The following SMS variants were observed in gnomAD, a reference collection of about 807,000 sequenced individuals.
SMS encodes the protein spermidine aminopropyltransferase.
Under a neutral mutation model 33.0 loss-of-function variants are expected in SMS, and 3 were observed. That is an observed-to-expected ratio of 0.09 (90% CI 0.04 to 0.23). SMS has a LOEUF of 0.23. SMS is among the 10% of genes least tolerant of loss of function. The pLI is 1.00. For synonymous variants in SMS, 103 were observed against 112.2 expected (o/e 0.92, Z 0.52); for missense variants, 117 against 288.6 (o/e 0.41, Z 4.31).
At chrX:21,993,634 C>T (rs759275548) in intron 10 of SMS, among the ~76,000 whole-genome samples, 1 of 112,302 alleles carries the variant, frequency 8.9e-6, no homozygotes, top group East Asian at 2.8e-4. Context: ...AATGAGAACC[C>T]TCTAGATCCT....
intron 7 of SMS, among the ~76,000 whole-genome samples, chrX:21,979,773 C>T (rs757202155): frequency 2.7e-5 from 3 of 109,890 alleles, no homozygotes; most frequent in Non-Finnish European, 5.7e-5. Flanking sequence ...CTTGAGGAAT[C>T]GCTACGCTGT....
chrX:21,990,926 T>C (rs1925719338), intron 9 of SMS, among the ~76,000 whole-genome samples: 1 of 112,487 alleles, frequency 8.9e-6, no homozygotes, highest in Admixed American at 9.4e-5. Flanking sequence ...GCCATGGCCA[T>C]ATCCCACTGC....
intron 2 of SMS, among the ~76,000 whole-genome samples, chrX:21,970,226 T>G (rs1924035349): frequency 8.9e-6 from 1 of 112,122 alleles, no homozygotes; most frequent in African/African-American, 3.2e-5. Context: ...TGCATGGGCT[T>G]GGGGAAAGGA....
chrX:21,947,196 C>G (rs967610710), intron 1 of SMS, among the ~76,000 whole-genome samples: 1 of 111,848 alleles, frequency 8.9e-6, no homozygotes, highest in South Asian at 3.7e-4. Flanking sequence ...TCCTTCCTCC[C>G]GCTCCTTCAG....
intron 9 of SMS, among the ~76,000 whole-genome samples, chrX:21,985,645 T>A (rs1161511099): frequency 2.7e-5 from 3 of 111,781 alleles, no homozygotes; most frequent in Admixed American, 9.6e-5. Context: ...CCTATTGAAA[T>A]CCTTAACAAA....
At position 21,940,789 on chromosome X, in the gene SMS, T is replaced by G. The variant is rs1341759915; in HGVS notation, c.-36T>G. On this transcript the variant is annotated 5_prime_UTR_variant, in exon 1 of 11. Transcript: ENST00000404933. ...GCGCGGCCCCCCAGTCTCCCGCGGC[T>G]GCTCCCCCAGGCATGGCACAGGGCC... is the stretch of plus-strand genomic sequence containing the variant. 3 of 1,081,237 alleles carry G rather than the reference T, an allele frequency of 2.8e-6. No homozygotes were observed. The highest frequency in any genetic ancestry group is 2.8e-5 in the Admixed American group (1 of 35,738). The allele number at this position is 1,081,237 out of a possible 1,213,427, so 89.1% of individuals were successfully genotyped here.
chrX:21,977,836 G>A, intron 5 of SMS, 124 bp from the exon 6 acceptor site: 1 of 732,714 alleles, frequency 1.4e-6, no homozygotes, highest in Non-Finnish European at 2.2e-6. Flanking sequence ...ATTGTTCACA[G>A]TTTTAAAAAA....
chrX:21,954,690 C>T (rs7062457), intron 1 of SMS, among the ~76,000 whole-genome samples: 16,725 of 111,309 alleles, frequency 0.15, 967 homozygotes, highest in Non-Finnish European at 0.17. Context: ...GGGACCTCCT[C>T]AGCGACATGT....
Position 21,986,808 on chromosome X carries a change from AC to A in SMS, c.945+1586del, listed in dbSNP as rs760566657. Among the ~76,000 whole-genome samples the A allele has an allele frequency of 6.8e-3, 762 of 111,961 alleles. 4 individuals are homozygous for A. The highest frequency in any genetic ancestry group is 0.011 in the Non-Finnish European group (562 of 53,254). ...TGGCATGCAGACACGCCCATTTATTACATAGTGTCTGTGGCTGCTTTTGTAC... is the reference window on the plus strand; with the variant it reads ...TGGCATGCAGACACGCCCATTTATTAATAGTGTCTGTGGCTGCTTTTGTAC... On this transcript the variant is annotated intron_variant, in intron 9 of 10. Transcript: ENST00000404933.
intron 1 of SMS, chrX:21,941,329 G>A (rs1053719850): frequency 8.3e-6 from 2 of 240,252 alleles, no homozygotes; most frequent in Non-Finnish European, 1.5e-5. Flanking sequence ...TGCGCCGAGC[G>A]GGGCTGCCCG....
intron 10 of SMS, 21 bp from the exon 11 acceptor site, chrX:21,994,269 CTTCCTTGAATTACCTGCTTTTA>C (rs747885756): frequency 7.0e-5 from 80 of 1,142,027 alleles, no homozygotes; most frequent in Non-Finnish European, 9.6e-5. Context: ...GATGTCTTTT[CTTCCTTGAATTACCTGCTTTTA>C]TTCCTTGACT....
chrX:21,988,527 C>T lies in SMS; in HGVS notation c.945+3304C>T, dbSNP rs112333488. 8.6e-3 allele frequency among the ~76,000 whole-genome samples: 933 copies of T among 109,082 alleles called. 6 individuals carry two copies. The highest frequency in any genetic ancestry group is 0.013 in the Non-Finnish European group (689 of 52,422). The allele number at this position is 109,082 out of a possible 115,157, so 94.7% of individuals were successfully genotyped here. A position where few individuals can be genotyped will look rare whatever the true frequency, so the allele number is the denominator to read the frequency against. ...AAAAATACAAAAAATTAGCCGGGCG[C>T]GGTGGCAGACGCCTGTAGTCCCAGC... On this transcript the variant is annotated intron_variant, in intron 9 of 10. Transcript: ENST00000404933.
At chrX:21,990,122 T>C (rs1226613040) in intron 9 of SMS, among the ~76,000 whole-genome samples, 9 of 111,740 alleles carry the variant, frequency 8.1e-5, no homozygotes, top group Non-Finnish European at 1.7e-4. Context: ...TGTCTCCTTG[T>C]TAGTTGACTT....
intron 3 of SMS, 42 bp downstream of exon 3, chrX:21,972,032 A>T (rs1423034797): frequency 2.3e-6 from 2 of 864,099 alleles, no homozygotes; most frequent in Non-Finnish European, 3.5e-6. Context: ...TAAGGATCAT[A>T]GTATCTGCTT....
intron 1 of SMS, among the ~76,000 whole-genome samples, chrX:21,949,126 C>A (rs1030883002): frequency 9.0e-6 from 1 of 111,399 alleles, no homozygotes; most frequent in Non-Finnish European, 1.9e-5. Context: ...AATGTGTTTA[C>A]GTGCTAAGCC....
chrX:21,984,958 A>G (rs1252960206), intron 8 of SMS, among the ~76,000 whole-genome samples, 186 bp from the exon 9 acceptor site: 1 of 111,920 alleles, frequency 8.9e-6, no homozygotes, highest in Non-Finnish European at 1.9e-5. Context: ...TGCTAGGTGG[A>G]TGTGATTTTG....
chrX:21,982,207 G>A (rs984728122), intron 7 of SMS, among the ~76,000 whole-genome samples: 23 of 108,088 alleles, frequency 2.1e-4, no homozygotes, highest in African/African-American at 6.8e-4. Context: ...GCGTGGTGGC[G>A]GGCACCTGTA....
chrX:21,973,501 C>A (rs190327460), intron 4 of SMS, among the ~76,000 whole-genome samples: 1 of 112,846 alleles, frequency 8.9e-6, no homozygotes, highest in African/African-American at 3.2e-5. Flanking sequence ...ACTTTTTCTC[C>A]TTCAGGCTCT....
At chrX:21,976,007 G>C (rs1018200835) in intron 4 of SMS, among the ~76,000 whole-genome samples, 20 of 111,344 alleles carry the variant, frequency 1.8e-4, no homozygotes, top group African/African-American at 6.5e-4. Context: ...TATGTATGCA[G>C]TGAGCTCTCG....
Sources: allele counts gnomAD v4.1 joint callset (sites outside exome capture counted in the v4.1 genomes callset), GRCh38; gene constraint gnomAD v4.1.1; transcripts MANE v1.5; gene names NCBI Gene and HGNC (gene_info 2026-07-23, HGNC 2026-07-21).